Variants in ZSCAN9 observed in about 807,000 individuals in gnomAD.
ZSCAN9 encodes zinc finger and SCAN domain containing 9.
A neutral mutation model predicts 23.0 loss-of-function variants in ZSCAN9; 19 were observed. The ratio of observed to expected loss-of-function variants is 0.83; its 90% CI spans 0.58 to 1.21. The LOEUF is 1.21. Ranked by LOEUF, ZSCAN9 falls within the 50% of genes most tolerant of loss-of-function variation. The pLI is 0.00. For missense variants in ZSCAN9, 467 were observed against 471.5 expected (o/e 0.99, Z 0.09); for synonymous variants, 155 against 164.8 (o/e 0.94, Z 0.46).
chr6:28,232,476 T>A, intron 3 of ZSCAN9, 86 bp from the exon 4 acceptor site: 1 of 1,518,398 alleles, frequency 6.6e-7, no homozygotes, highest in Non-Finnish European at 8.8e-7. Context: ...CACTTCCTTT[T>A]CTATGATATA....
chr6:28,233,437 A>C lies in ZSCAN9; in HGVS notation c.*259A>C. ...TTTATTTTTTTGAGATGGCTGCTAA[A>C]CCCTTCTAATAATATAATAAATGGC... On this transcript the variant is annotated 3_prime_UTR_variant, in exon 4 of 4. Coordinates refer to ENST00000252207, the MANE Select transcript of ZSCAN9 (RefSeq NM_006299.5). 1 of 412,488 alleles carries C rather than the reference A, an allele frequency of 2.4e-6. No homozygotes were observed. Among genetic ancestry groups the C allele is most frequent in the Non-Finnish European group, 4.1e-6 (1 of 246,624 alleles). The allele number at this position is 412,488 out of a possible 1,614,324, so 25.6% of individuals were successfully genotyped here. A position where few individuals can be genotyped will look rare whatever the true frequency, so the allele number is the denominator to read the frequency against.
In ZSCAN9 at chr6:28,227,407, T is replaced by A. The variant is rs1453584496; in HGVS notation, c.323T>A (p.Leu108His). The change falls in exon 2 of 4, where the codon CTC becomes CAC. Residue 108 changes from leucine to histidine, a missense_variant. By Grantham distance (99) the Leu-to-His change is moderately conservative. Coordinates refer to ENST00000252207, the MANE Select transcript of ZSCAN9 (RefSeq NM_006299.5). ...EQFLSILPKE[L>H]QGWVREHCPE... ...TTTCTATCCATTCTGCCCAAGGAGC[T>A]CCAGGGCTGGGTGAGGGAACACTGT... The A allele has an allele frequency of 1.9e-6, 3 of 1,614,140 alleles. No homozygotes were observed. In the South Asian group the frequency reaches 3.3e-5, roughly 18 times the overall value.
rs1357690975 is a variant in ZSCAN9, at chr6:28,225,325, G to C, written c.-115G>C. ...TTCGTGCCGCGCTTCTAGCAACGCC[G>C]GGCCGGTAACCCCCTCTCCCTCCTT... On this transcript the variant is annotated 5_prime_UTR_variant, in exon 1 of 4. Coordinates refer to ENST00000252207, the MANE Select transcript of ZSCAN9 (RefSeq NM_006299.5). 6.6e-6 allele frequency: 1 copy of C among 152,204 alleles called. No homozygotes were observed. Among genetic ancestry groups the C allele is most frequent in the Non-Finnish European group, 1.5e-5 (1 of 68,060 alleles). The allele number at this position is 152,204 out of a possible 1,614,324, so 9.4% of individuals were successfully genotyped here.
intron 3 of ZSCAN9, among the ~76,000 whole-genome samples, chr6:28,231,951 G>A (rs1413112214): frequency 1.3e-5 from 2 of 152,154 alleles, no homozygotes; most frequent in Non-Finnish European, 2.9e-5. Context: ...TCACTTTGAG[G>A]TTATCTCAGA....
chr6:28,228,212 A>G (rs1760183640), intron 3 of ZSCAN9: 1 of 592,940 alleles, frequency 1.7e-6, no homozygotes, highest in South Asian at 2.3e-5. Flanking sequence ...CAGATCCCTC[A>G]TCTACAAAAT....
At chr6:28,231,023 A>AT (rs2113654874) in intron 3 of ZSCAN9, among the ~76,000 whole-genome samples, 1 of 152,288 alleles carries the variant, frequency 6.6e-6, no homozygotes, top group Non-Finnish European at 1.5e-5. Flanking sequence ...AGTCCTCACT[A>AT]TTCAAGGGGG....
intron 3 of ZSCAN9, among the ~76,000 whole-genome samples, chr6:28,231,308 A>G (rs1002467234): frequency 6.6e-6 from 1 of 152,234 alleles, no homozygotes; most frequent in Non-Finnish European, 1.5e-5. Context: ...CTCATAACCA[A>G]GATGGCTACT....
Position 28,227,757 on chromosome 6 carries a change from C to T in ZSCAN9, c.488C>T (p.Pro163Leu), listed in dbSNP as rs759283523. ...KEMVPLAEQT[P>L]LTLQSQPKEP... ...ATGGTGCCTCTAGCAGAGCAGACACCACTGACCCTTCAGTCCCAGCCTAAG... is the reference window on the plus strand; with the variant it reads ...ATGGTGCCTCTAGCAGAGCAGACACTACTGACCCTTCAGTCCCAGCCTAAG... The change falls in exon 3 of 4, where the codon CCA (proline) becomes CTA (leucine). Residue 163 changes from proline to leucine, a missense_variant. Physicochemically the swap from Pro to Leu is moderately conservative, Grantham distance 98. Coordinates refer to ENST00000252207, the MANE Select transcript of ZSCAN9 (RefSeq NM_006299.5). 1 of 1,613,494 alleles carries T rather than the reference C, an allele frequency of 6.2e-7. No homozygotes were observed. The highest frequency in any genetic ancestry group is 8.5e-7 in the Non-Finnish European group (1 of 1,179,850).
In ZSCAN9 at chr6:28,232,687, G is replaced by A. The variant is rs1760349107; in HGVS notation, c.694G>A (p.Gly232Arg). ...WEVSQQDPSH[G>R]EVGEHKDRIE... ...GGTATCACAGCAGGATCCCTCACATGGAGAAGTTGGTGAACATAAGGATAG... is the reference window on the plus strand; with the variant it reads ...GGTATCACAGCAGGATCCCTCACATAGAGAAGTTGGTGAACATAAGGATAG... Residue 232 changes from glycine (G) to arginine (R), a missense_variant, in exon 4 of 4, where the codon GGA becomes AGA. By Grantham distance (125) the Gly-to-Arg change is moderately radical. Coordinates refer to ENST00000252207, the MANE Select transcript of ZSCAN9 (RefSeq NM_006299.5). 6.2e-7 allele frequency: 1 copy of A among 1,614,186 alleles called. No individual in the cohort carries two copies. Among genetic ancestry groups the A allele is most frequent in the East Asian group, 2.2e-5 (1 of 44,882 alleles).
intron 3 of ZSCAN9, among the ~76,000 whole-genome samples, chr6:28,231,296 A>G (rs940477044): frequency 1.3e-5 from 2 of 152,216 alleles, no homozygotes; most frequent in Non-Finnish European, 2.9e-5. Context: ...GCAACAGTCA[A>G]TCTCATAACC....
In ZSCAN9 at chr6:28,231,007, T is replaced by C. The variant is rs1266390721; in HGVS notation, c.569-1555T>C. On this transcript the variant is annotated intron_variant, in intron 3 of 3. Coordinates refer to ENST00000252207, the MANE Select transcript of ZSCAN9 (RefSeq NM_006299.5). ...AATTGTGGATTTGAAATTCATAAAG[T>C]ATAGTAGTCCTCACTATTCAAGGGG... Among the ~76,000 whole-genome samples, 14 of 152,212 alleles carry C rather than the reference T, an allele frequency of 9.2e-5. No individual in the cohort carries two copies. The East Asian group carries it at 2.7e-3, about 29-fold the overall frequency.
intron 3 of ZSCAN9, among the ~76,000 whole-genome samples, chr6:28,230,826 A>G (rs1760279006): frequency 6.6e-6 from 1 of 152,222 alleles, no homozygotes; most frequent in Admixed American, 6.5e-5. Flanking sequence ...TTGTGATATT[A>G]AATAGAAGAA....
chr6:28,227,535 T>G (rs1561845774), intron 2 of ZSCAN9, 31 bp downstream of exon 2: 6 of 1,568,506 alleles, frequency 3.8e-6, no homozygotes, highest in Non-Finnish European at 5.2e-6. Flanking sequence ...GAGAAAAATG[T>G]GTATTTTGGC....
Position 28,227,471 on chromosome 6 carries a change from T to G in ZSCAN9, c.387T>G (p.Asp129Glu), listed in dbSNP as rs751034951. The G allele has an allele frequency of 6.2e-7, 1 of 1,609,742 alleles. No individual in the cohort carries two copies. Among genetic ancestry groups the G allele is most frequent in the South Asian group, 1.1e-5 (1 of 90,374 alleles). ...AAGAGGCTGTGATTTTGCTGGAGGA[T>G]CTGGAGAGAGAGCTCGATGAACCAC... ...SGEEAVILLEDLERELDEPQH... is the reference protein window; with the variant it reads ...SGEEAVILLEELERELDEPQH... Residue 129 changes from aspartate (D) to glutamate (E), a missense_variant, in exon 2 of 4, where the codon GAT becomes GAG. Coordinates refer to ENST00000252207, the MANE Select transcript of ZSCAN9 (RefSeq NM_006299.5).
chr6:28,229,296 C>T (rs1561846672), intron 3 of ZSCAN9: 1 of 152,144 alleles, frequency 6.6e-6, no homozygotes, highest in Non-Finnish European at 1.5e-5. Context: ...CAATTTGTTT[C>T]TTTCTTCTTC....
intron 3 of ZSCAN9, chr6:28,228,613 G>A (rs138398666): frequency 7.8e-5 from 12 of 154,718 alleles, no homozygotes; most frequent in Middle Eastern, 1.0e-3. Flanking sequence ...AATTTAGTCC[G>A]TAACCAGTAT....
chr6:28,228,751 T>G (rs1760200431), intron 3 of ZSCAN9: 1 of 154,452 alleles, frequency 6.5e-6, no homozygotes, highest in Non-Finnish European at 1.5e-5. Flanking sequence ...GGGTTCATAC[T>G]TGGAGTAGAA....
At chr6:28,229,222 G>A (rs1299589029) in intron 3 of ZSCAN9, 3 of 152,132 alleles carry the variant, frequency 2.0e-5, no homozygotes, top group Admixed American at 6.5e-5. Flanking sequence ...TATAGCTTCT[G>A]TGACTTTATC....
At position 28,232,832 on chromosome 6, in the gene ZSCAN9, G is replaced by A; in HGVS notation, c.839G>A (p.Arg280Lys). The change falls in exon 4 of 4, where the codon AGA becomes AAA. Residue 280 changes from arginine to lysine, a missense_variant. Coordinates refer to ENST00000252207, the MANE Select transcript of ZSCAN9 (RefSeq NM_006299.5). ...IRHQRIHTGERPYECNECGKA... is the reference protein window; with the variant it reads ...IRHQRIHTGEKPYECNECGKA... ...CATCAAAGAATTCATACTGGAGAAAGACCTTATGAATGTAATGAATGTGGG... is the reference window on the plus strand; with the variant it reads ...CATCAAAGAATTCATACTGGAGAAAAACCTTATGAATGTAATGAATGTGGG... 1 of 1,614,210 alleles carries A rather than the reference G, an allele frequency of 6.2e-7. No homozygotes were observed. The highest frequency in any genetic ancestry group is 1.6e-4 in the Middle Eastern group (1 of 6,062).
Sources: allele counts gnomAD v4.1 joint callset (sites outside exome capture counted in the v4.1 genomes callset), GRCh38; gene constraint gnomAD v4.1.1; transcripts MANE v1.5; gene names NCBI Gene and HGNC (gene_info 2026-07-23, HGNC 2026-07-21).